The following MILR1 variants were observed in gnomAD, a reference collection of about 807,000 sequenced individuals.
MILR1 encodes allergin-1.
In MILR1, 31 loss-of-function variants were observed where a neutral mutation model predicts 18.5. The ratio of observed to expected loss-of-function variants is 1.68; its 90% CI spans 1.26 to 2.26. MILR1 has a LOEUF of 2.26. MILR1 is among the 30% of genes most tolerant of loss of function. The pLI is 0.00. For missense variants in MILR1, 257 were observed against 157.4 expected (o/e 1.63, Z -3.38); for synonymous variants, 85 against 56.2 (o/e 1.51, Z -2.30).
chr17:64,461,533 G>C (rs1373446341), intron 5 of MILR1, among the ~76,000 whole-genome samples: 1 of 152,118 alleles, frequency 6.6e-6, no homozygotes, highest in Admixed American at 6.6e-5. Flanking sequence ...ACAGGTGTGA[G>C]CCACTGCTCC....
At chr17:64,461,067 G>A (rs1438885397) in intron 5 of MILR1, 135 bp downstream of exon 5, 1 of 374,164 alleles carries the variant, frequency 2.7e-6, no homozygotes, top group Admixed American at 4.5e-5. Flanking sequence ...AGGAAAACAT[G>A]AGAAAGGGGG....
the MILR1 span, among the ~76,000 whole-genome samples, chr17:64,480,067 A>C: frequency 6.6e-6 from 1 of 152,234 alleles, no homozygotes; most frequent in Non-Finnish European, 1.5e-5. Flanking sequence ...CATGACATTA[A>C]GTCTTGGAAC....
chr17:64,479,386 T>C, the MILR1 span, among the ~76,000 whole-genome samples: 1 of 152,022 alleles, frequency 6.6e-6, no homozygotes, highest in Non-Finnish European at 1.5e-5. Flanking sequence ...GGTTTTGCTA[T>C]GTTGGCCAGG....
the MILR1 span, chr17:64,491,668 A>ACAT: frequency 7.7e-7 from 1 of 1,299,294 alleles, no homozygotes; most frequent in Non-Finnish European, 1.1e-6. Flanking sequence ...TACAACAAGT[A>ACAT]CATCAACGTG....
chr17:64,457,389 C>T lies in MILR1; in HGVS notation c.368-11C>T, dbSNP rs1251850696. ...TGTTTATCCTTTTCATGTTCACTTT[C>T]ATTCTTCCAGACCCGGTGACTTCCC... On this transcript the variant is annotated splice_polypyrimidine_tract_variant and intron_variant, in intron 3 of 9. Coordinates refer to ENST00000619286, the MANE Select transcript of MILR1 (RefSeq NM_001085423.2). 4.2e-6 allele frequency: 2 copies of T among 474,716 alleles called. No individual in the cohort carries two copies. Among genetic ancestry groups the T allele is most frequent in the Non-Finnish European group, 7.7e-6 (2 of 258,846 alleles). The allele number at this position is 474,716 out of a possible 1,614,324, so 29.4% of individuals were successfully genotyped here. A position where few individuals can be genotyped will look rare whatever the true frequency, so the allele number is the denominator to read the frequency against.
chr17:64,451,138 T>G (rs1317119086), intron 2 of MILR1, among the ~76,000 whole-genome samples: 3 of 69,996 alleles, frequency 4.3e-5, no homozygotes, highest in Non-Finnish European at 8.2e-5. Flanking sequence ...TTATTTAGGG[T>G]TTTTTTTTTT....
rs1402394412 is a variant in MILR1 at position 64,468,350 on chromosome 17, G to T, written c.*69G>T. The T allele has an allele frequency of 4.4e-6, 2 of 452,060 alleles. No individual in the cohort carries two copies. Among genetic ancestry groups the T allele is most frequent in the East Asian group, 1.4e-4 (2 of 14,266 alleles). 28.0% of individuals were successfully genotyped at this position (452,060 alleles called of 1,614,324 possible). ...GTTGCCCAGGCTGGAGTTCAGTAGC[G>T]CGATCTTGGCTCACTTCAATCTCCA... is the stretch of plus-strand genomic sequence containing the variant. On this transcript the variant is annotated 3_prime_UTR_variant, in exon 10 of 10. Transcript: ENST00000619286.
chr17:64,462,219 G>A (rs1001199313), intron 5 of MILR1, among the ~76,000 whole-genome samples: 4 of 151,674 alleles, frequency 2.6e-5, no homozygotes, highest in Admixed American at 1.3e-4. Flanking sequence ...AAATGGAGAC[G>A]GGGCCTCACT....
chr17:64,481,196 G>C, the MILR1 span: 1 of 780,300 alleles, frequency 1.3e-6, no homozygotes, highest in Admixed American at 6.2e-5. Flanking sequence ...CTGAGCTACA[G>C]CATCCTAGGA....
chr17:64,471,570 G>A (rs1027150270), downstream of MILR1, among the ~76,000 whole-genome samples: 1 of 152,212 alleles, frequency 6.6e-6, no homozygotes, highest in African/African-American at 2.4e-5. Flanking sequence ...TGCTGGGTCA[G>A]AGGGAAGGCC....
chr17:64,492,205 T>C, the MILR1 span, among the ~76,000 whole-genome samples: 1 of 152,198 alleles, frequency 6.6e-6, no homozygotes, highest in Admixed American at 6.5e-5. Flanking sequence ...TAAATGGGTA[T>C]TTGGGGATGT....
chr17:64,469,701 C>G (rs2037658352), downstream of MILR1, among the ~76,000 whole-genome samples: 1 of 152,032 alleles, frequency 6.6e-6, no homozygotes, highest in Non-Finnish European at 1.5e-5. Context: ...GCCTGGCCCT[C>G]CATTTCCTGA....
the MILR1 span, chr17:64,496,980 G>A: frequency 1.2e-6 from 2 of 1,600,612 alleles, no homozygotes; most frequent in Non-Finnish European, 1.7e-6. Flanking sequence ...TCTCTCCGAA[G>A]TTAAAGAGCA....
rs1598094355 is a variant in MILR1 at position 64,458,192 on chromosome 17, T to TC, written c.652+509dup. Among the ~76,000 whole-genome samples the TC allele has an allele frequency of 5.8e-5, 8 of 137,410 alleles. No individual in the cohort carries two copies. In the East Asian group the frequency reaches 1.2e-3, roughly 21 times the overall value. The allele number at this position is 137,410 out of a possible 152,430, so 90.1% of individuals were successfully genotyped here. On this transcript the variant is annotated intron_variant, in intron 4 of 9. Coordinates refer to ENST00000619286, the MANE Select transcript of MILR1 (RefSeq NM_001085423.2). ...TTCCTTCCCTCCTTCCTTCCTTCCTTCTTTCCTTCCTTCCTTCCTTCTTTC... is the reference window on the plus strand; with the variant it reads ...TTCCTTCCCTCCTTCCTTCCTTCCTTCCTTTCCTTCCTTCCTTCCTTCTTTC...
At chr17:64,452,354 A>C (rs1276479119) in intron 2 of MILR1, among the ~76,000 whole-genome samples, 1 of 152,084 alleles carries the variant, frequency 6.6e-6, no homozygotes. Context: ...CCCTAGTTCA[A>C]GCAATTCTCC....
At chr17:64,452,937 C>A in intron 3 of MILR1, 71 bp downstream of exon 3, 2 of 453,706 alleles carry the variant, frequency 4.4e-6, no homozygotes, top group South Asian at 8.2e-5. Flanking sequence ...GAGGGGCTCT[C>A]CATGATCCTT....
chr17:64,484,927 T>C, the MILR1 span, among the ~76,000 whole-genome samples: 2 of 152,156 alleles, frequency 1.3e-5, no homozygotes, highest in Admixed American at 1.3e-4. Flanking sequence ...AAAGGGTATA[T>C]GACTATTCCC....
At chr17:64,476,496 A>G in the MILR1 span, among the ~76,000 whole-genome samples, 1 of 152,166 alleles carries the variant, frequency 6.6e-6, no homozygotes, top group Non-Finnish European at 1.5e-5. Flanking sequence ...CCTGGGCCAC[A>G]TAGTGAGACC....
At chr17:64,480,199 T>A in the MILR1 span, 1 of 351,530 alleles carries the variant, frequency 2.8e-6, no homozygotes, top group East Asian at 6.1e-5. Context: ...ATTTTATATA[T>A]AAATTTAGAA....
Sources: allele counts gnomAD v4.1 joint callset (sites outside exome capture counted in the v4.1 genomes callset), GRCh38; gene constraint gnomAD v4.1.1; transcripts MANE v1.5; gene names NCBI Gene and HGNC (gene_info 2026-07-23, HGNC 2026-07-21).